Variants in IARS1 observed in about 807,000 individuals in gnomAD.
IARS1 encodes the protein isoleucyl-tRNA synthetase 1, also known as isoleucine--tRNA ligase, cytoplasmic.
IARS1 carries 124 observed loss-of-function variants against 168.2 expected under a neutral mutation model. The observed-to-expected ratio is 0.74, with a 90% CI of 0.64 to 0.86. The LOEUF (loss-of-function observed/expected upper bound fraction) is 0.86, where lower values mean the gene tolerates loss of function less well. Among genes scored for constraint, IARS1 ranks in the 40% least tolerant of loss-of-function variants. The pLI is 0.00. For missense variants in IARS1, 1,452 were observed against 1,515.8 expected, an observed-to-expected ratio of 0.96 and a Z score of 0.70; for synonymous variants, 532 against 529.4, an observed-to-expected ratio of 1.00 and a Z score of -0.07.
intron 33 of IARS1, among the ~76,000 whole-genome samples, chr9:92,218,990 C>G (rs1186829355): frequency 6.6e-6 from 1 of 152,176 alleles, no homozygotes; most frequent in African/African-American, 2.4e-5. Flanking sequence ...AAGAACAAGG[C>G]TGGAGGCATC....
intron 14 of IARS1, among the ~76,000 whole-genome samples, chr9:92,265,998 G>A (rs965006862): frequency 1.3e-5 from 2 of 152,092 alleles, no homozygotes; most frequent in South Asian, 2.1e-4. Context: ...AATCTGGGCC[G>A]AAGGATAGTA....
intron 19 of IARS1, among the ~76,000 whole-genome samples, 198 bp from the exon 20 acceptor site, chr9:92,256,998 G>A (rs775332481): frequency 2.0e-4 from 30 of 152,200 alleles, no homozygotes; most frequent in Non-Finnish European, 4.3e-4. Flanking sequence ...AATTTATTAT[G>A]TTTTTGAGTA....
chr9:92,232,149 C>A (rs560052656), intron 30 of IARS1, among the ~76,000 whole-genome samples: 1 of 139,156 alleles, frequency 7.2e-6, no homozygotes, highest in African/African-American at 3.0e-5. Context: ...AAGTAGCTAA[C>A]AGAGAAATAA....
chr9:92,292,875 TG>T (rs1836601316), intron 1 of IARS1, among the ~76,000 whole-genome samples: 1 of 152,252 alleles, frequency 6.6e-6, no homozygotes, highest in African/African-American at 2.4e-5. Flanking sequence ...CTTCCAGAAT[TG>T]CTTCCCTTTT....
Position 92,250,041 on chromosome 9 carries a change from C to G in IARS1, c.2533-100G>C, listed in dbSNP as rs577958448. ...GTTTATTTGAATCTCAAGCTCTAGT[C>G]AGGCTGGACTAGTACTAAGTCATTC... On this transcript the variant is annotated intron_variant, in intron 24 of 33. Transcript: ENST00000443024. The G allele has an allele frequency of 1.1e-5, 10 of 885,120 alleles. No individual in the cohort carries two copies. In the East Asian group the frequency reaches 2.4e-4, roughly 21 times the overall value. The allele number at this position is 885,120 out of a possible 1,614,324, so 54.8% of individuals were successfully genotyped here.
chr9:92,218,100 G>A (rs1839043746), intron 33 of IARS1, among the ~76,000 whole-genome samples: 1 of 151,936 alleles, frequency 6.6e-6, no homozygotes, highest in Non-Finnish European at 1.5e-5. Flanking sequence ...TTCATCCCTG[G>A]GATGCAAGGC....
chr9:92,232,645 A>G (rs1375677959), intron 30 of IARS1, among the ~76,000 whole-genome samples: 1 of 152,192 alleles, frequency 6.6e-6, no homozygotes, highest in South Asian at 2.1e-4. Flanking sequence ...AACCTGGGTA[A>G]GTTCTGAATG....
intron 30 of IARS1, among the ~76,000 whole-genome samples, chr9:92,234,740 G>C (rs759735648): frequency 1.5e-4 from 23 of 152,118 alleles, no homozygotes; most frequent in Non-Finnish European, 2.5e-4. Flanking sequence ...TACTGTCTGA[G>C]ACATCATCAC....
intron 27 of IARS1, 27 bp downstream of exon 27, chr9:92,244,932 G>T: frequency 6.4e-7 from 1 of 1,572,310 alleles, no homozygotes; most frequent in South Asian, 1.1e-5. Flanking sequence ...TCTTGGTAAA[G>T]AAATGTTCTA....
chr9:92,250,222 T>G lies in IARS1; in HGVS notation c.2497A>C (p.Arg833=). The change falls in exon 24 of 34, where the codon AGA becomes CGA. Residue 833 remains arginine (R), a synonymous_variant. Coordinates refer to ENST00000443024, the MANE Select transcript of IARS1 (RefSeq NM_002161.6). ...ATAGTTTTTCGGTCTCTGATCACTC[T>G]TCCAAGTTCAATCACAGACTGCATC... The part of the protein sequence containing the change: ...SQMQSVIELG[R]VIRDRKTIPI... 2 of 1,613,138 alleles carry G rather than the reference T, an allele frequency of 1.2e-6. No homozygotes were observed. The highest frequency in any genetic ancestry group is 1.7e-6 in the Non-Finnish European group (2 of 1,179,088).
In IARS1 at chr9:92,210,738, T is replaced by C; in HGVS notation, c.*69A>G. On this transcript the variant is annotated 3_prime_UTR_variant, in exon 34 of 34. Transcript: ENST00000443024. Reference sequence around the variant, plus strand: ...TTCAGTGTGTTCATGTGTGTGTCTATGTGCATGTATGTGTAGGGGATAGGT... The same window carrying C: ...TTCAGTGTGTTCATGTGTGTGTCTACGTGCATGTATGTGTAGGGGATAGGT... 2.3e-6 allele frequency: 2 copies of C among 859,946 alleles called. No individual in the cohort carries two copies. Among genetic ancestry groups the C allele is most frequent in the Non-Finnish European group, 4.0e-6 (2 of 494,874 alleles). 53.3% of individuals were successfully genotyped at this position (859,946 alleles called of 1,614,324 possible).
At chr9:92,256,556 G>C in intron 20 of IARS1, 124 bp downstream of exon 20, 2 of 999,642 alleles carry the variant, frequency 2.0e-6, no homozygotes, top group Non-Finnish European at 2.9e-6. Context: ...AACTATATGA[G>C]AGGTAAAAGG....
At chr9:92,248,895 CAT>C (rs955737668) in intron 25 of IARS1, among the ~76,000 whole-genome samples, 1 of 152,042 alleles carries the variant, frequency 6.6e-6, no homozygotes, top group Non-Finnish European at 1.5e-5. Context: ...TGAGGTAAAA[CAT>C]ATGCGTTTTT....
intron 33 of IARS1, among the ~76,000 whole-genome samples, chr9:92,220,981 AAAC>A (rs1446004068): frequency 6.6e-6 from 1 of 152,156 alleles, no homozygotes; most frequent in African/African-American, 2.4e-5. Context: ...AAACAAAACA[AAAC>A]AAAAAAACCA....
intron 33 of IARS1, among the ~76,000 whole-genome samples, chr9:92,217,680 T>G (rs1255438910): frequency 1.3e-5 from 2 of 152,084 alleles, no homozygotes; most frequent in East Asian, 3.9e-4. Context: ...CTAGAAGAAA[T>G]GGATAAATTC....
chr9:92,263,043 C>A lies in IARS1; in HGVS notation c.1713G>T (p.Leu571=), dbSNP rs546852750. 7 of 1,613,534 alleles carry A rather than the reference C, an allele frequency of 4.3e-6. No homozygotes were observed. In the East Asian group the frequency reaches 1.3e-4, roughly 31 times the overall value. The change falls in exon 17 of 34, where the codon CTG becomes CTT. Residue 571 remains leucine (L), a synonymous_variant. Transcript: ENST00000443024. Reference sequence around the variant, plus strand: ...CAAAGAGGGCCGTGGCCAGCACCAGCAGGGTATAAAACCTGAAAAAAAACC... The same window carrying A: ...CAAAGAGGGCCGTGGCCAGCACCAGAAGGGTATAAAACCTGAAAAAAAACC... ...IDQTRGWFYT[L]LVLATALFGQ... is the part of the protein sequence containing the mutation.
chr9:92,248,311 G>A (rs80089624), intron 25 of IARS1, among the ~76,000 whole-genome samples: 1,802 of 152,116 alleles, frequency 0.012, 36 homozygotes, highest in African/African-American at 0.04. Context: ...CAAATAATAC[G>A]GAATGTTTAG....
chr9:92,274,573 C>A, intron 9 of IARS1, 52 bp from the exon 10 acceptor site: 8 of 1,269,066 alleles, frequency 6.3e-6, no homozygotes, highest in South Asian at 1.2e-5. Context: ...TGTGTTACAA[C>A]GTTAACTTTG....
chr9:92,285,673 T>A (rs1336754866), intron 6 of IARS1, 49 bp downstream of exon 6: 1 of 1,168,704 alleles, frequency 8.6e-7, no homozygotes, highest in Admixed American at 1.7e-5. Flanking sequence ...ACTACTCAGC[T>A]TCCACCTACA....
Sources: allele counts gnomAD v4.1 joint callset (sites outside exome capture counted in the v4.1 genomes callset), GRCh38; gene constraint gnomAD v4.1.1; transcripts MANE v1.5; gene names NCBI Gene and HGNC (gene_info 2026-07-23, HGNC 2026-07-21).